The following COL6A5 variants were observed in gnomAD, a reference collection of about 807,000 sequenced individuals.
COL6A5 encodes the protein collagen type VI alpha 5 chain, also known as collagen alpha-5(VI) chain.
Under a neutral mutation model 65.6 loss-of-function variants are expected in COL6A5, and 48 were observed. That is an observed-to-expected ratio of 0.73 (90% CI 0.58 to 0.93). The LOEUF (loss-of-function observed/expected upper bound fraction) is 0.93. Ranked by LOEUF, COL6A5 falls within the 40% of genes least tolerant of loss-of-function variation. The pLI, the probability that COL6A5 is intolerant of heterozygous loss-of-function variation, is 0.00. For synonymous variants in COL6A5, 291 were observed against 322.8 expected, an observed-to-expected ratio of 0.90 and a Z score of 1.05; for missense variants, 914 against 928.3, an observed-to-expected ratio of 0.98 and a Z score of 0.20.
chr3:130,471,249 C>T (rs1216497088), intron 7 of COL6A5, among the ~76,000 whole-genome samples: 5 of 151,982 alleles, frequency 3.3e-5, no homozygotes, highest in African/African-American at 1.2e-4. Context: ...AAGTAGATAA[C>T]ATAACTCCAA....
At chr3:130,376,098 T>C (rs531010650) in intron 2 of COL6A5, 139 bp from the exon 3 acceptor site, 1 of 795,760 alleles carries the variant, frequency 1.3e-6, no homozygotes, top group Non-Finnish European at 1.8e-6. Flanking sequence ...TATTTTCTTC[T>C]GTTTGACCTC....
intron 5 of COL6A5, among the ~76,000 whole-genome samples, chr3:130,457,989 C>A (rs1283440182): frequency 6.6e-6 from 1 of 152,088 alleles, no homozygotes; most frequent in Non-Finnish European, 1.5e-5. Flanking sequence ...TGCTCTTAAA[C>A]TGAGAGGCTG....
chr3:130,404,881 C>A (rs1052570599), intron 13 of COL6A5, among the ~76,000 whole-genome samples: 1 of 152,324 alleles, frequency 6.6e-6, no homozygotes, highest in South Asian at 2.1e-4. Context: ...TAGACATGAG[C>A]CAGTCACAAG....
chr3:130,468,786 C>T lies in COL6A5; in HGVS notation c.1545-9C>T. 1 of 1,592,092 alleles carries T rather than the reference C, an allele frequency of 6.3e-7. No individual in the cohort carries two copies. Among genetic ancestry groups the T allele is most frequent in the Non-Finnish European group, 8.6e-7 (1 of 1,166,754 alleles). On this transcript the variant is annotated splice_polypyrimidine_tract_variant and intron_variant, in intron 5 of 7. Coordinates refer to ENST00000512836, the Ensembl canonical transcript of COL6A5. ...ATTAAAAAGAATGACTTGAGTTATTCTGTTGCAGGACATGAAAATTATGGC... is the reference window on the plus strand; with the variant it reads ...ATTAAAAAGAATGACTTGAGTTATTTTGTTGCAGGACATGAAAATTATGGC...
chr3:130,347,989 C>T (rs184082598), intron 1 of COL6A5, among the ~76,000 whole-genome samples: 101 of 152,076 alleles, frequency 6.6e-4, no homozygotes, highest in Non-Finnish European at 1.3e-3. Flanking sequence ...TTTTTGTTGC[C>T]CCATCAATCC....
chr3:130,380,130 C>A, intron 4 of COL6A5, 80 bp downstream of exon 4: 1 of 1,053,596 alleles, frequency 9.5e-7, no homozygotes, highest in Non-Finnish European at 1.3e-6. Context: ...TGAGGATCAA[C>A]TGTAATTGGA....
At chr3:130,441,209 C>A (rs1338092781) in intron 3 of COL6A5, among the ~76,000 whole-genome samples, 2 of 152,124 alleles carry the variant, frequency 1.3e-5, no homozygotes, top group African/African-American at 4.8e-5. Context: ...ACCCTGGAGA[C>A]CTGTGTGAGG....
chr3:130,371,805 A>G (rs1043675968), intron 1 of COL6A5, among the ~76,000 whole-genome samples: 5 of 152,046 alleles, frequency 3.3e-5, no homozygotes, highest in Non-Finnish European at 5.9e-5. Context: ...GGAACAAAAT[A>G]AAACAAAAAA....
At chr3:130,359,899 G>A (rs1014404996) in intron 1 of COL6A5, among the ~76,000 whole-genome samples, 2 of 151,928 alleles carry the variant, frequency 1.3e-5, no homozygotes, top group Non-Finnish European at 2.9e-5. Flanking sequence ...TTTATGAAGT[G>A]GATTTTATTT....
chr3:130,369,395 G>T (rs535434255), intron 1 of COL6A5, among the ~76,000 whole-genome samples: 18 of 152,264 alleles, frequency 1.2e-4, no homozygotes, highest in African/African-American at 4.3e-4. Context: ...CAATCTCATG[G>T]ATTCAAGAAT....
exon 3 of COL6A5, chr3:130,376,567 AGTTT>A (rs1935782329): frequency 3.1e-6 from 5 of 1,605,644 alleles, no homozygotes; most frequent in Non-Finnish European, 4.3e-6. Context: ...GACAGGAAAC[AGTTT>A]CCCCCAATTT....
rs1709549675 is a variant in COL6A5, at chr3:130,455,474, G to T, written c.1354G>T (p.Glu452Ter). Residue 452 changes from glutamate to a stop codon, truncating the protein, a stop_gained, in exon 5 of 8, where the codon GAG becomes TAG. Transcript: ENST00000512836. LOFTEE classifies it high-confidence loss of function. Reference sequence around the variant, plus strand: ...TTCTAGATTTGTTACTGAGCTACAAGAGGATTTTTTGGGAGGTAATGGCTT... The same window carrying T: ...TTCTAGATTTGTTACTGAGCTACAATAGGATTTTTTGGGAGGTAATGGCTT... The T allele has an allele frequency of 6.2e-7, 1 of 1,611,278 alleles. No homozygotes were observed. Among genetic ancestry groups the T allele is most frequent in the African/African-American group, 1.3e-5 (1 of 74,800 alleles).
At chr3:130,371,463 A>T (rs1262479001) in intron 1 of COL6A5, among the ~76,000 whole-genome samples, 2 of 152,220 alleles carry the variant, frequency 1.3e-5, no homozygotes, top group Non-Finnish European at 2.9e-5. Flanking sequence ...TGATACTGGC[A>T]TAAGGACAGA....
At chr3:130,355,079 C>CA (rs1157510691) in intron 1 of COL6A5, among the ~76,000 whole-genome samples, 2 of 150,740 alleles carry the variant, frequency 1.3e-5, no homozygotes, top group Non-Finnish European at 3.0e-5. Context: ...AATGTGCTAC[C>CA]AAAAAAATTA....
At chr3:130,409,706 A>G (rs191048821) in intron 18 of COL6A5, among the ~76,000 whole-genome samples, 1 of 152,210 alleles carries the variant, frequency 6.6e-6, no homozygotes, top group Admixed American at 6.5e-5. Flanking sequence ...ATCTTTTTAC[A>G]CCCTTGAGGG....
intron 7 of COL6A5, among the ~76,000 whole-genome samples, chr3:130,481,256 C>T (rs1256138370): frequency 7.3e-6 from 1 of 137,446 alleles, no homozygotes; most frequent in East Asian, 2.2e-4. Context: ...TCCATGTATT[C>T]TCATTGTTCA....
At chr3:130,388,815 T>C (rs1936289818) in exon 6 of COL6A5, 2 of 1,551,274 alleles carry the variant, frequency 1.3e-6, no homozygotes, top group African/African-American at 1.4e-5. Flanking sequence ...ATAGAATGTC[T>C]CTCATCAATG....
chr3:130,365,063 C>G (rs1407439860), intron 1 of COL6A5, among the ~76,000 whole-genome samples: 1 of 152,202 alleles, frequency 6.6e-6, no homozygotes, highest in Non-Finnish European at 1.5e-5. Context: ...GGCTGATTCT[C>G]TCTGACTTTG....
chr3:130,401,790 G>A (rs753057022), exon 12 of COL6A5: 5 of 1,551,364 alleles, frequency 3.2e-6, no homozygotes, highest in South Asian at 1.2e-5. Context: ...ACTTGCTGCT[G>A]TACATTCTGC....
Sources: allele counts gnomAD v4.1 joint callset (sites outside exome capture counted in the v4.1 genomes callset), GRCh38; gene constraint gnomAD v4.1.1; transcripts MANE v1.5; gene names NCBI Gene and HGNC (gene_info 2026-07-23, HGNC 2026-07-21).